Variants in NUBPL observed in about 807,000 individuals in gnomAD.
NUBPL encodes the protein NUBP iron-sulfur cluster assembly factor, mitochondrial.
Under a neutral mutation model 45.7 loss-of-function variants are expected in NUBPL, and 31 were observed. The ratio of observed to expected loss-of-function variants is 0.68; its 90% CI spans 0.51 to 0.92. The LOEUF is 0.92. Ranked by LOEUF, NUBPL falls within the 40% of genes least tolerant of loss-of-function variation. The probability of loss-of-function intolerance (pLI) is 0.00; values close to 1 mark genes in which losing one functional copy is unlikely to be tolerated. For missense variants in NUBPL, 401 were observed against 398.7 expected (o/e 1.01, Z -0.05); for synonymous variants, 144 against 140.9 (o/e 1.02, Z -0.15).
intron 6 of NUBPL, among the ~76,000 whole-genome samples, chr14:31,695,071 A>C (rs926472529): frequency 1.3e-5 from 2 of 152,250 alleles, no homozygotes; most frequent in African/African-American, 4.8e-5. Flanking sequence ...AGTGTTACAT[A>C]GTGTTGACCA....
intron 8 of NUBPL, among the ~76,000 whole-genome samples, chr14:31,836,042 G>T (rs1007235025): frequency 6.6e-6 from 1 of 152,084 alleles, no homozygotes; most frequent in Non-Finnish European, 1.5e-5. Flanking sequence ...CTGTATCTGG[G>T]TTTAAAATGT....
At chr14:31,684,598 A>C (rs1042371580) in intron 6 of NUBPL, among the ~76,000 whole-genome samples, 4 of 152,166 alleles carry the variant, frequency 2.6e-5, no homozygotes, top group Non-Finnish European at 5.9e-5. Context: ...GCCATGGCCC[A>C]AGTTGAGAGA....
intron 7 of NUBPL, among the ~76,000 whole-genome samples, chr14:31,793,580 A>G (rs972076698): frequency 7.2e-5 from 11 of 152,080 alleles, no homozygotes; most frequent in Admixed American, 6.6e-4. Context: ...AGGGTGCCAA[A>G]CTCAGTGCCT....
At chr14:31,732,929 GT>G (rs1196154613) in intron 6 of NUBPL, among the ~76,000 whole-genome samples, 129 of 152,098 alleles carry the variant, frequency 8.5e-4, no homozygotes, top group African/African-American at 3.1e-3. Context: ...TTTATGGTTA[GT>G]ACTTTTTTGG....
intron 8 of NUBPL, among the ~76,000 whole-genome samples, chr14:31,834,968 G>A (rs1298957292): frequency 6.6e-6 from 1 of 152,152 alleles, no homozygotes; most frequent in South Asian, 2.1e-4. Flanking sequence ...TAGGGTATAA[G>A]AGGGTTCTTC....
intron 6 of NUBPL, among the ~76,000 whole-genome samples, chr14:31,733,531 G>A (rs530322137): frequency 1.3e-5 from 2 of 151,952 alleles, no homozygotes; most frequent in Non-Finnish European, 2.9e-5. Flanking sequence ...TATTTTATAG[G>A]TTAATAAAGG....
Position 31,562,157 on chromosome 14 carries a change from TAAAC to T in NUBPL, c.201_204del (p.Gln68LeufsTer2). The T allele has an allele frequency of 6.2e-7, 1 of 1,614,104 alleles. No individual in the cohort carries two copies. The highest frequency in any genetic ancestry group is 8.5e-7 in the Non-Finnish European group (1 of 1,179,954). On this transcript the variant is annotated frameshift_variant, in exon 2 of 11. Coordinates refer to ENST00000281081, the MANE Select transcript of NUBPL (RefSeq NM_025152.3). LOFTEE classifies it high-confidence loss of function. ...CAAAGCAGAAACCGATAGAAGGTGT[TAAAC>T]AAGTTATAGTTGTGGCTTCTGGAAA...
intron 6 of NUBPL, among the ~76,000 whole-genome samples, chr14:31,687,984 C>T (rs2036993883): frequency 6.6e-5 from 10 of 152,168 alleles, no homozygotes; most frequent in Admixed American, 6.5e-4. Flanking sequence ...GCATGAAAAC[C>T]TTGCACATTT....
intron 3 of NUBPL, among the ~76,000 whole-genome samples, chr14:31,585,259 C>G (rs1332948539): frequency 6.6e-6 from 1 of 152,100 alleles, no homozygotes; most frequent in African/African-American, 2.4e-5. Flanking sequence ...ACAAAAAAAT[C>G]TTATAATGCT....
At chr14:31,731,741 T>A (rs941734380) in intron 6 of NUBPL, among the ~76,000 whole-genome samples, 6 of 152,210 alleles carry the variant, frequency 3.9e-5, no homozygotes, top group Admixed American at 2.0e-4. Context: ...CTATCCATTT[T>A]TATGACTTAC....
At chr14:31,823,798 T>A (rs894703203) in intron 7 of NUBPL, among the ~76,000 whole-genome samples, 8 of 152,148 alleles carry the variant, frequency 5.3e-5, no homozygotes, top group Non-Finnish European at 8.8e-5. Context: ...TCCAAATGAC[T>A]GGATATGAAA....
intron 4 of NUBPL, among the ~76,000 whole-genome samples, chr14:31,658,765 G>A (rs1263821063): frequency 6.6e-6 from 1 of 152,074 alleles, no homozygotes; most frequent in Non-Finnish European, 1.5e-5. Flanking sequence ...ACCTGCCTCG[G>A]CCTCCCAAAG....
chr14:31,589,722 C>T (rs2034093980), intron 3 of NUBPL, among the ~76,000 whole-genome samples: 1 of 152,120 alleles, frequency 6.6e-6, no homozygotes, highest in Admixed American at 6.5e-5. Context: ...TAAAAATCAC[C>T]AAACTGCTCC....
intron 3 of NUBPL, among the ~76,000 whole-genome samples, chr14:31,565,296 A>G (rs1253799409): frequency 6.6e-6 from 1 of 152,070 alleles, no homozygotes; most frequent in Non-Finnish European, 1.5e-5. Flanking sequence ...TATATCCTAA[A>G]CCAATTTTGC....
chr14:31,760,613 T>C (rs1174829048), intron 6 of NUBPL, among the ~76,000 whole-genome samples: 7 of 152,168 alleles, frequency 4.6e-5, no homozygotes, highest in African/African-American at 1.7e-4. Context: ...ACATAATACC[T>C]TCTAGATTCA....
chr14:31,710,500 C>T (rs533838226), intron 6 of NUBPL, among the ~76,000 whole-genome samples: 122 of 152,272 alleles, frequency 8.0e-4, no homozygotes, highest in Non-Finnish European at 1.3e-3. Context: ...CTTACTGACG[C>T]ATTCTCGAAA....
intron 3 of NUBPL, 42 bp from the exon 4 acceptor site, chr14:31,599,247 G>T (rs762037874): frequency 7.2e-7 from 1 of 1,386,548 alleles, no homozygotes; most frequent in African/African-American, 1.4e-5. Context: ...TTATGGTAAA[G>T]TGTTTTTGTT....
chr14:31,617,139 G>C (rs1212621768), intron 4 of NUBPL, among the ~76,000 whole-genome samples: 2 of 152,152 alleles, frequency 1.3e-5, no homozygotes, highest in Non-Finnish European at 2.9e-5. Context: ...CTGAGACTTT[G>C]CTGAAGTTGC....
intron 6 of NUBPL, among the ~76,000 whole-genome samples, chr14:31,734,061 T>C (rs1414322116): frequency 6.6e-6 from 1 of 152,210 alleles, no homozygotes; most frequent in East Asian, 1.9e-4. Context: ...ATGTGATAAA[T>C]TACATTAAAT....
Sources: gnomAD v4.1 joint callset for allele counts (sites outside exome capture counted in the v4.1 genomes callset) on GRCh38, gnomAD v4.1.1 for gene constraint, MANE v1.5 for transcripts, NCBI Gene and HGNC (gene_info 2026-07-23, HGNC 2026-07-21) for gene names.